The following MBTD1 variants were observed in gnomAD, a reference collection of about 807,000 sequenced individuals.
MBTD1 encodes the protein mbt domain containing 1.
Under a neutral mutation model 87.8 loss-of-function variants are expected in MBTD1, and 24 were observed. That is an observed-to-expected ratio of 0.27 (90% CI 0.20 to 0.38). The LOEUF (loss-of-function observed/expected upper bound fraction) is 0.38. Ranked by LOEUF, MBTD1 falls within the 10% of genes least tolerant of loss-of-function variation. The pLI is 1.00. For missense variants in MBTD1, 436 were observed against 760.2 expected (o/e 0.57, Z 5.02); for synonymous variants, 237 against 248.6 (o/e 0.95, Z 0.44).
At chr17:51,233,357 A>C (rs2053648600) in intron 2 of MBTD1, among the ~76,000 whole-genome samples, 1 of 152,182 alleles carries the variant, frequency 6.6e-6, no homozygotes. Context: ...CATCTATAGG[A>C]AACAGAAGAA....
chr17:51,180,565 T>A lies in MBTD1; in HGVS notation c.*11A>T. Reference sequence around the variant, plus strand: ...AATCCTTCCCCACCCGCCCTCAGTTTCTAAGCCACCTCATGGCTCTTGTTT... The same window carrying A: ...AATCCTTCCCCACCCGCCCTCAGTTACTAAGCCACCTCATGGCTCTTGTTT... On this transcript the variant is annotated 3_prime_UTR_variant, in exon 17 of 17. Transcript: ENST00000586178. 6.8e-7 allele frequency: 1 copy of A among 1,476,438 alleles called. No individual in the cohort carries two copies. The highest frequency in any genetic ancestry group is 2.5e-5 in the East Asian group (1 of 40,550). 91.5% of individuals were successfully genotyped at this position (1,476,438 alleles called of 1,614,324 possible).
intron 16 of MBTD1, chr17:51,185,452 T>A (rs896672502): frequency 2.0e-5 from 3 of 152,226 alleles, no homozygotes; most frequent in African/African-American, 7.2e-5. Context: ...TACACTCGAA[T>A]CAAATGCCAC....
chr17:51,216,212 G>A (rs113121590), intron 6 of MBTD1, among the ~76,000 whole-genome samples: 6,294 of 152,222 alleles, frequency 0.041, 445 homozygotes, highest in African/African-American at 0.14. Flanking sequence ...GATTACAGGC[G>A]TGAGCCACCG....
chr17:51,232,986 A>G (rs986468258), intron 2 of MBTD1, among the ~76,000 whole-genome samples: 1 of 141,864 alleles, frequency 7.0e-6, no homozygotes, highest in East Asian at 2.2e-4. Context: ...CAGGAGATTC[A>G]GTCTGCAGTG....
intron 6 of MBTD1, among the ~76,000 whole-genome samples, chr17:51,208,671 T>C (rs961873510): frequency 2.6e-5 from 4 of 152,230 alleles, no homozygotes; most frequent in East Asian, 1.9e-4. Flanking sequence ...GAATTGGGTT[T>C]ATTTTTCACT....
intron 1 of MBTD1, among the ~76,000 whole-genome samples, chr17:51,259,580 C>T (rs1432148704): frequency 2.6e-5 from 4 of 151,862 alleles, no homozygotes; most frequent in Non-Finnish European, 5.9e-5. Flanking sequence ...AAACTTTCTT[C>T]TCGAATTTTT....
Position 51,259,593 on chromosome 17 carries a change from T to G in MBTD1, c.-113+242A>C, listed in dbSNP as rs566939798. ...AAAAACTTTCTTCTCGAATTTTTCT[T>G]CCAAAGGGTGGAGGAGATGGAGAGA... On this transcript the variant is annotated intron_variant, in intron 1 of 16. Coordinates refer to ENST00000586178, the MANE Select transcript of MBTD1 (RefSeq NM_017643.3). Among the ~76,000 whole-genome samples the G allele has an allele frequency of 2.1e-3, 315 of 149,500 alleles. 5 individuals carry two copies. The highest frequency in any genetic ancestry group is 8.0e-4 in the Non-Finnish European group (54 of 67,310).
intron 2 of MBTD1, among the ~76,000 whole-genome samples, chr17:51,232,929 G>C (rs756612167): frequency 6.6e-6 from 1 of 151,768 alleles, no homozygotes; most frequent in African/African-American, 2.4e-5. Flanking sequence ...GTATGTGCTT[G>C]TGGTCCCAGC....
At chr17:51,243,322 G>A (rs2054257608) in intron 2 of MBTD1, among the ~76,000 whole-genome samples, 1 of 150,866 alleles carries the variant, frequency 6.6e-6, no homozygotes. Flanking sequence ...CTATTTGGAA[G>A]TAACTTTGAA....
intron 11 of MBTD1, among the ~76,000 whole-genome samples, 162 bp from the exon 12 acceptor site, chr17:51,201,858 T>C (rs2051510783): frequency 6.6e-6 from 1 of 152,218 alleles, no homozygotes. Context: ...ACAAATAGAA[T>C]TTAAGAATAA....
Position 51,187,866 on chromosome 17 carries a change from G to GAA in MBTD1, c.1768+4335_1768+4336dup, listed in dbSNP as rs71149350. ...TCTGTCTCAAAAAGAAAGAAAGAAA[G>GAA]AAAAAAAAAAAAAAAGCAAAGGGAT... On this transcript the variant is annotated intron_variant, in intron 16 of 16. Coordinates refer to ENST00000586178, the MANE Select transcript of MBTD1 (RefSeq NM_017643.3). Among the ~76,000 whole-genome samples, 145 of 118,120 alleles carry GAA rather than the reference G, an allele frequency of 1.2e-3. 1 individual carries two copies. Among genetic ancestry groups the GAA allele is most frequent in the South Asian group, 3.0e-3 (10 of 3,358 alleles). The allele number at this position is 118,120 out of a possible 152,430, so 77.5% of individuals were successfully genotyped here.
Position 51,203,870 on chromosome 17 carries a change from G to A in MBTD1, c.660C>T (p.Phe220=), listed in dbSNP as rs2051641995. The A allele has an allele frequency of 1.2e-6, 2 of 1,613,486 alleles. No individual in the cohort carries two copies. Among genetic ancestry groups the A allele is most frequent in the African/African-American group, 1.3e-5 (1 of 74,896 alleles). Reference sequence around the variant, plus strand: ...TATCAGAACCACATATATTGCACCAGAAGTCCAGACCAGAGTCATTTTCAA... The same window carrying A: ...TATCAGAACCACATATATTGCACCAAAAGTCCAGACCAGAGTCATTTTCAA... ...EGFENDSGLD[F]WCNICGSDIH... The change falls in exon 8 of 17, where the codon TTC becomes TTT. Residue 220 remains phenylalanine, a synonymous_variant. Transcript: ENST00000586178.
chr17:51,250,840 A>G (rs2054737104), intron 2 of MBTD1: 1 of 152,142 alleles, frequency 6.6e-6, no homozygotes, highest in African/African-American at 2.4e-5. Flanking sequence ...TCCCATTTCA[A>G]CTTGGTCAAT....
At position 51,179,492 on chromosome 17, in the gene MBTD1, A is replaced by ATATATATATATATATATT. The variant is rs2050210937; in HGVS notation, c.*1083_*1084insAATATATATATATATATA. ...TACAATTAAAGACAATTTTATATAT[A>ATATATATATATATATATT]TATATATATATATATATATATATAT... On this transcript the variant is annotated 3_prime_UTR_variant, in exon 17 of 17. Coordinates refer to ENST00000586178, the MANE Select transcript of MBTD1 (RefSeq NM_017643.3). 5 of 30,972 alleles carry ATATATATATATATATATT rather than the reference A, an allele frequency of 1.6e-4. No homozygotes were observed. The highest frequency in any genetic ancestry group is 3.3e-4 in the Non-Finnish European group (5 of 15,042). The allele number at this position is 30,972 out of a possible 1,614,324, so 1.9% of individuals were successfully genotyped here. A position where few individuals can be genotyped will look rare whatever the true frequency, so the allele number is the denominator to read the frequency against.
At chr17:51,230,226 C>T (rs1221363231) in intron 2 of MBTD1, among the ~76,000 whole-genome samples, 9 of 152,126 alleles carry the variant, frequency 5.9e-5, no homozygotes, top group Middle Eastern at 3.2e-3. Flanking sequence ...GTTCTAATAG[C>T]ACTTTGAACT....
At position 51,255,694 on chromosome 17, in the gene MBTD1, A is replaced by C. The variant is rs577983814; in HGVS notation, c.-49+3449T>G. Among the ~76,000 whole-genome samples the C allele has an allele frequency of 9.9e-5, 15 of 151,130 alleles. No homozygotes were observed. In the South Asian group the frequency reaches 2.9e-3, roughly 30 times the overall value. Reference sequence around the variant, plus strand: ...CACTTCAACCTGGGTCTCCCACCAGACTCAAGCAATCCTCCCACCTCTGCC... The same window carrying C: ...CACTTCAACCTGGGTCTCCCACCAGCCTCAAGCAATCCTCCCACCTCTGCC... On this transcript the variant is annotated intron_variant, in intron 2 of 16. Coordinates refer to ENST00000586178, the MANE Select transcript of MBTD1 (RefSeq NM_017643.3).
intron 6 of MBTD1, among the ~76,000 whole-genome samples, chr17:51,207,371 T>A (rs2051907049): frequency 6.6e-6 from 1 of 152,220 alleles, no homozygotes; most frequent in Non-Finnish European, 1.5e-5. Flanking sequence ...TAATTTCTAC[T>A]TTTAAAAGAT....
At chr17:51,253,781 G>GT (rs1212652927) in intron 2 of MBTD1, among the ~76,000 whole-genome samples, 1 of 152,136 alleles carries the variant, frequency 6.6e-6, no homozygotes, top group Non-Finnish European at 1.5e-5. Flanking sequence ...TTGTCCTACT[G>GT]TAACTGTCAC....
At chr17:51,199,071 C>T (rs1462727748) in intron 12 of MBTD1, among the ~76,000 whole-genome samples, 2 of 152,114 alleles carry the variant, frequency 1.3e-5, no homozygotes, top group Non-Finnish European at 2.9e-5. Flanking sequence ...GCTGGGATTA[C>T]AGGCATGAGG....
Sources: allele counts gnomAD v4.1 joint callset (sites outside exome capture counted in the v4.1 genomes callset), GRCh38; gene constraint gnomAD v4.1.1; transcripts MANE v1.5; gene names NCBI Gene and HGNC (gene_info 2026-07-23, HGNC 2026-07-21).